KLHL13: variants seen among roughly 807,000 people sequenced by gnomAD.
KLHL13 encodes the protein kelch like family member 13.
In KLHL13, 10 loss-of-function variants were observed where a neutral mutation model predicts 37.1. That is an observed-to-expected ratio of 0.27 (90% CI 0.17 to 0.46). The LOEUF is 0.46. Ranked by LOEUF, KLHL13 falls within the 20% of genes least tolerant of loss-of-function variation. The probability of loss-of-function intolerance (pLI) is 1.00; values close to 1 mark genes in which losing one functional copy is unlikely to be tolerated. For missense variants in KLHL13, 360 were observed against 509.3 expected (o/e 0.71, Z 2.82); for synonymous variants, 163 against 181.2 (o/e 0.90, Z 0.81).
intron 1 of KLHL13, among the ~76,000 whole-genome samples, chrX:118,007,640 A>G (rs1274734018): frequency 9.0e-6 from 1 of 111,567 alleles, no homozygotes; most frequent in Non-Finnish European, 1.9e-5. Flanking sequence ...TCTATAGCTC[A>G]TATCTATATC....
intron 1 of KLHL13, among the ~76,000 whole-genome samples, chrX:118,086,321 T>C (rs985277254): frequency 1.8e-5 from 2 of 111,717 alleles, no homozygotes; most frequent in African/African-American, 6.5e-5. Context: ...GACCTACTTT[T>C]AGTTCTTTGA....
In KLHL13 at chrX:118,104,915, A is replaced by G. The variant is rs773335402; in HGVS notation, c.-56+11593T>C. 3.5e-5 allele frequency among the ~76,000 whole-genome samples: 4 copies of G among 112,776 alleles called. No homozygotes were observed. In the East Asian group the frequency reaches 1.1e-3, roughly 31 times the overall value. ...ATGATGAGTGAATTATATCTTAATAAAGCCGTTAAATATTTTTTTCGACAC... is the reference window on the plus strand; with the variant it reads ...ATGATGAGTGAATTATATCTTAATAGAGCCGTTAAATATTTTTTTCGACAC... On this transcript the variant is annotated intron_variant, in intron 1 of 6. Transcript: ENST00000371882.
At chrX:117,908,325 T>A (rs769249129) in intron 5 of KLHL13, among the ~76,000 whole-genome samples, 1 of 108,925 alleles carries the variant, frequency 9.2e-6, no homozygotes, top group African/African-American at 3.3e-5. Flanking sequence ...ACACGTGCCA[T>A]GGTGGTTTGC....
chrX:117,959,928 G>A (rs2053263866), intron 1 of KLHL13, among the ~76,000 whole-genome samples: 1 of 111,732 alleles, frequency 8.9e-6, no homozygotes, highest in South Asian at 3.7e-4. Context: ...AGTGCAGTTA[G>A]GTACAGAGGG....
intron 1 of KLHL13, among the ~76,000 whole-genome samples, chrX:118,074,838 T>C (rs531778283): frequency 8.9e-6 from 1 of 111,913 alleles, no homozygotes; most frequent in South Asian, 3.8e-4. Flanking sequence ...CACATTGAAT[T>C]ATCCCTCCCG....
rs12010432 is a variant in KLHL13, at chrX:118,079,710, T to C, written c.-56+36798A>G. Reference sequence around the variant, plus strand: ...AGAATCAATGTCATTAAAATGGCCATACTACCCAAAGCAATTTACAGATTC... The same window carrying C: ...AGAATCAATGTCATTAAAATGGCCACACTACCCAAAGCAATTTACAGATTC... On this transcript the variant is annotated intron_variant, in intron 1 of 6. Transcript: ENST00000371882. 3.1e-3 allele frequency among the ~76,000 whole-genome samples: 349 copies of C among 111,116 alleles called. 4 individuals are homozygous for C. The highest frequency in any genetic ancestry group is 0.011 in the African/African-American group (327 of 30,670).
intron 1 of KLHL13, among the ~76,000 whole-genome samples, chrX:118,014,843 GT>G (rs199525002): frequency 5.1e-4 from 57 of 112,448 alleles, no homozygotes; most frequent in African/African-American, 1.7e-3. Context: ...TTAAGACATT[GT>G]TTGTACCACA....
At chrX:117,902,995 T>G (rs1930200626) in intron 5 of KLHL13, among the ~76,000 whole-genome samples, 1 of 110,187 alleles carries the variant, frequency 9.1e-6, no homozygotes, top group Non-Finnish European at 1.9e-5. Context: ...CAGCGACGGG[T>G]AAGCAGAAGT....
At chrX:118,089,588 AAGAGAGAGAG>A (rs199722513) in intron 1 of KLHL13, among the ~76,000 whole-genome samples, 24 of 80,148 alleles carry the variant, frequency 3.0e-4, no homozygotes, top group African/African-American at 1.1e-3. Context: ...AAGAAAAGAA[AAGAGAGAGAG>A]AGAGAGAGAG....
At chrX:118,082,770 G>A (rs2055010713) in intron 1 of KLHL13, among the ~76,000 whole-genome samples, 1 of 111,399 alleles carries the variant, frequency 9.0e-6, no homozygotes, top group African/African-American at 3.3e-5. Context: ...TGATTTTTTT[G>A]TATATGGTGA....
intron 1 of KLHL13, among the ~76,000 whole-genome samples, chrX:118,042,707 G>T (rs2054517392): frequency 9.0e-6 from 1 of 111,365 alleles, no homozygotes. Context: ...AAATGATAAT[G>T]TAAACAAAAC....
chrX:118,067,726 G>A (rs987524963), intron 1 of KLHL13, among the ~76,000 whole-genome samples: 8 of 109,912 alleles, frequency 7.3e-5, no homozygotes, highest in African/African-American at 2.7e-4. Context: ...CCTCCACATC[G>A]CATCCCACTG....
At chrX:118,089,444 G>C (rs1208368288) in intron 1 of KLHL13, among the ~76,000 whole-genome samples, 1 of 108,913 alleles carries the variant, frequency 9.2e-6, no homozygotes, top group Non-Finnish European at 1.9e-5. Context: ...AGGTCAATTA[G>C]GAAACCTGGC....
At chrX:118,003,948 A>G (rs960668456) in intron 1 of KLHL13, among the ~76,000 whole-genome samples, 17 of 110,777 alleles carry the variant, frequency 1.5e-4, no homozygotes, top group African/African-American at 5.3e-4. Flanking sequence ...GACTACATCA[A>G]TGGTGGACTG....
intron 1 of KLHL13, among the ~76,000 whole-genome samples, chrX:118,101,949 T>C (rs1286033245): frequency 2.7e-5 from 3 of 111,882 alleles, no homozygotes; most frequent in Non-Finnish European, 5.6e-5. Context: ...CTTTATAAAT[T>C]ATCCAGTCTT....
intron 2 of KLHL13, among the ~76,000 whole-genome samples, chrX:117,944,203 C>CG (rs1261974710): frequency 2.7e-5 from 3 of 110,430 alleles, no homozygotes; most frequent in African/African-American, 9.9e-5. Context: ...TTGATCTTGC[C>CG]GGGAGCTGCA....
At chrX:118,025,997 C>T (rs1290456392) in intron 1 of KLHL13, among the ~76,000 whole-genome samples, 2 of 111,717 alleles carry the variant, frequency 1.8e-5, no homozygotes, top group African/African-American at 6.5e-5. Flanking sequence ...CAGTTTCAGG[C>T]AACCTTGGAG....
chrX:118,095,591 C>T (rs1157300337), intron 1 of KLHL13, among the ~76,000 whole-genome samples: 1 of 111,235 alleles, frequency 9.0e-6, no homozygotes, highest in Non-Finnish European at 1.9e-5. Flanking sequence ...AATATACATT[C>T]TTTTCAGCAC....
intron 1 of KLHL13, among the ~76,000 whole-genome samples, chrX:118,091,828 C>T (rs1293098230): frequency 1.8e-5 from 2 of 111,153 alleles, no homozygotes; most frequent in Non-Finnish European, 3.8e-5. Flanking sequence ...TGGAGATACA[C>T]AACACACACA....
Sources: allele counts gnomAD v4.1 joint callset (sites outside exome capture counted in the v4.1 genomes callset), GRCh38; gene constraint gnomAD v4.1.1; transcripts MANE v1.5; gene names NCBI Gene and HGNC (gene_info 2026-07-23, HGNC 2026-07-21).